The following FHL1 variants were observed in gnomAD, a reference collection of about 807,000 sequenced individuals.
FHL1 encodes the protein four and a half LIM domains 1, also known as four and a half LIM domains protein 1.
A neutral mutation model predicts 20.3 loss-of-function variants in FHL1; 1 was observed. The observed-to-expected ratio is 0.05, with a 90% CI of 0.02 to 0.23. The LOEUF is 0.23. FHL1 is among the 10% of genes least tolerant of loss of function. The pLI is 1.00. For synonymous variants in FHL1, 82 were observed against 88.9 expected, an observed-to-expected ratio of 0.92 and a Z score of 0.44; for missense variants, 177 against 234.0, an observed-to-expected ratio of 0.76 and a Z score of 1.59.
At chrX:136,171,625 A>G (rs895100656) in intron 2 of FHL1, among the ~76,000 whole-genome samples, 6 of 112,412 alleles carry the variant, frequency 5.3e-5, no homozygotes, top group Admixed American at 2.8e-4. Context: ...TGCAAATTCA[A>G]TCAGCTTCAT....
chrX:136,173,111 TAGA>T (rs958433534), intron 2 of FHL1, among the ~76,000 whole-genome samples: 1 of 112,664 alleles, frequency 8.9e-6, no homozygotes, highest in Non-Finnish European at 1.9e-5. Context: ...TTCAGAAACT[TAGA>T]ATTATTCCAT....
chrX:136,177,128 C>G (rs2073028148), intron 2 of FHL1, among the ~76,000 whole-genome samples: 1 of 110,567 alleles, frequency 9.0e-6, no homozygotes, highest in African/African-American at 3.3e-5. Context: ...GTAAAGAGAA[C>G]CTTTTGTCAG....
At chrX:136,179,871 G>C (rs758852877) in intron 2 of FHL1, among the ~76,000 whole-genome samples, 1 of 111,270 alleles carries the variant, frequency 9.0e-6, no homozygotes, top group Non-Finnish European at 1.9e-5. Context: ...TACAGTGAAC[G>C]CTCCTATTCC....
At chrX:136,147,364 T>C (rs1204248078), upstream of FHL1, 1 of 91,954 alleles carries the variant, frequency 1.1e-5, no homozygotes, top group Non-Finnish European at 2.2e-5. Context: ...ACAGCCTCCG[T>C]GCAGTGGGCA....
At chrX:136,159,252 C>G (rs935732652) in intron 1 of FHL1, among the ~76,000 whole-genome samples, 2 of 110,679 alleles carry the variant, frequency 1.8e-5, no homozygotes, top group Non-Finnish European at 3.8e-5. Flanking sequence ...TTAAAGTCTA[C>G]TGTTTGTGGC....
intron 2 of FHL1, among the ~76,000 whole-genome samples, chrX:136,186,387 G>A (rs770305707): frequency 6.6e-4 from 73 of 111,059 alleles, no homozygotes; most frequent in Non-Finnish European, 1.2e-3. Flanking sequence ...AAACTTTGGT[G>A]GGTGCTCCCT....
intron 2 of FHL1, among the ~76,000 whole-genome samples, chrX:136,178,818 G>A (rs1343237962): frequency 9.3e-6 from 1 of 107,341 alleles, no homozygotes; most frequent in Admixed American, 1.0e-4. Context: ...GCAATGACGT[G>A]ATCTTGCCTC....
rs2074003851 is a variant in FHL1, at chrX:136,211,177, T to G, written c.*1152T>G. On this transcript the variant is annotated 3_prime_UTR_variant, in exon 6 of 6. Coordinates refer to ENST00000370683, the MANE Select transcript of FHL1 (RefSeq NM_001159699.2). ...ATCACCTACTTACTGTATTCTACATTATTATATGACATAGTATAATGAGAC... is the reference window on the plus strand; with the variant it reads ...ATCACCTACTTACTGTATTCTACATGATTATATGACATAGTATAATGAGAC... 1.1e-5 allele frequency: 4 copies of G among 367,151 alleles called. No individual in the cohort carries two copies. The highest frequency in any genetic ancestry group is 2.1e-5 in the Non-Finnish European group (4 of 193,315). 30.3% of individuals were successfully genotyped at this position (367,151 alleles called of 1,213,427 possible). A position where few individuals can be genotyped will look rare whatever the true frequency, so the allele number is the denominator to read the frequency against.
chrX:136,204,656 T>TA (rs1179061997), intron 1 of FHL1: 1 of 112,200 alleles, frequency 8.9e-6, no homozygotes, highest in East Asian at 2.8e-4. Flanking sequence ...GCCAGCTCCT[T>TA]AGAGATGAGG....
chrX:136,204,992 T>A (rs1473771502), intron 1 of FHL1: 1 of 112,459 alleles, frequency 8.9e-6, no homozygotes, highest in Non-Finnish European at 1.9e-5. Context: ...CTCTCTAAAT[T>A]ACGCTGGAAG....
At chrX:136,202,937 T>A (rs1300181072) in intron 1 of FHL1, among the ~76,000 whole-genome samples, 1 of 112,122 alleles carries the variant, frequency 8.9e-6, no homozygotes, top group Non-Finnish European at 1.9e-5. Context: ...CATTCATATT[T>A]TATACAAAAT....
At chrX:136,180,205 G>A (rs1346066315) in intron 2 of FHL1, among the ~76,000 whole-genome samples, 2 of 111,879 alleles carry the variant, frequency 1.8e-5, no homozygotes, top group Non-Finnish European at 3.8e-5. Flanking sequence ...CATACATATC[G>A]CTGTCCCTTC....
At chrX:136,172,572 A>G (rs949991788) in intron 2 of FHL1, among the ~76,000 whole-genome samples, 3 of 112,485 alleles carry the variant, frequency 2.7e-5, no homozygotes, top group African/African-American at 9.7e-5. Flanking sequence ...AGTATTCAGT[A>G]ATTGCCATGG....
intron 5 of FHL1, chrX:136,209,479 C>T: frequency 1.7e-6 from 2 of 1,176,114 alleles, no homozygotes; most frequent in South Asian, 1.8e-5. Flanking sequence ...AAGTTTGCCT[C>T]CTGGTGGCCA....
intron 1 of FHL1, among the ~76,000 whole-genome samples, chrX:136,151,077 C>G (rs1339119381): frequency 8.9e-6 from 1 of 112,290 alleles, no homozygotes; most frequent in Non-Finnish European, 1.9e-5. Flanking sequence ...TACAGGGTTG[C>G]TTCCTGAGTG....
chrX:136,195,280 C>T (rs765988073), upstream of FHL1, among the ~76,000 whole-genome samples: 6 of 112,474 alleles, frequency 5.3e-5, no homozygotes, highest in Non-Finnish European at 9.4e-5. Flanking sequence ...CTATTGTTCA[C>T]AGCGCTGCAA....
At chrX:136,156,986 TACACACACAC>T (rs74780878) in intron 1 of FHL1, among the ~76,000 whole-genome samples, 2 of 102,078 alleles carry the variant, frequency 2.0e-5, no homozygotes, top group Non-Finnish European at 2.0e-5. Context: ...GACTAAGGAA[TACACACACAC>T]ACACACACAC....
chrX:136,209,459 C>T lies in FHL1; in HGVS notation c.737-412C>T, dbSNP rs749911623. The T allele has an allele frequency of 5.8e-6, 7 of 1,204,387 alleles. No homozygotes were observed. The South Asian group carries it at 7.1e-5, about 12-fold the overall frequency. ...CGAGGCCCGGTAAGTGCACACCCCA[C>T]GAACAGCCCAAGTTTGCCTCCTGGT... On this transcript the variant is annotated intron_variant, in intron 5 of 5. Transcript: ENST00000370683.
chrX:136,152,371 A>C lies in FHL1; in HGVS notation c.-101+4743A>C, dbSNP rs923861784. ...AGCCACTCTTTGCTGCTTACTCTAA[A>C]GGTAGGAAGTAAGTTGAGCCTCTTG... is the stretch of plus-strand genomic sequence containing the variant. On this transcript the variant is annotated intron_variant, in intron 1 of 7. Transcript: ENST00000394155. Among the ~76,000 whole-genome samples, 100 of 111,979 alleles carry C rather than the reference A, an allele frequency of 8.9e-4. 1 individual carries two copies. In the Admixed American group the frequency reaches 9.5e-3, roughly 11 times the overall value.
Sources: allele counts gnomAD v4.1 joint callset (sites outside exome capture counted in the v4.1 genomes callset), GRCh38; gene constraint gnomAD v4.1.1; transcripts MANE v1.5; gene names NCBI Gene and HGNC (gene_info 2026-07-23, HGNC 2026-07-21).